NAP1L1: variants seen among roughly 807,000 people sequenced by gnomAD.
NAP1L1 encodes nucleosome assembly protein 1 like 1, also known as nucleosome assembly protein 1-like 1.
A neutral mutation model predicts 58.9 loss-of-function variants in NAP1L1; 9 were observed. That is an observed-to-expected ratio of 0.15 (90% confidence interval 0.09 to 0.27). The LOEUF (loss-of-function observed/expected upper bound fraction) is 0.27, where lower values mean the gene tolerates loss of function less well. Among genes scored for constraint, NAP1L1 ranks in the 10% least tolerant of loss-of-function variants. NAP1L1 has a pLI of 1.00. For missense variants in NAP1L1, 302 were observed against 458.8 expected, an observed-to-expected ratio of 0.66 and a Z score of 3.12; for synonymous variants, 130 against 138.3, an observed-to-expected ratio of 0.94 and a Z score of 0.42.
chr12:76,063,774 G>A (rs556990668), intron 4 of NAP1L1, among the ~76,000 whole-genome samples: 43 of 150,578 alleles, frequency 2.9e-4, no homozygotes, highest in African/African-American at 1.1e-3. Context: ...CAGCCTGGAT[G>A]ACAAAGCGAG....
At chr12:76,082,295 G>A (rs1274956935) in intron 1 of NAP1L1, among the ~76,000 whole-genome samples, 2 of 152,172 alleles carry the variant, frequency 1.3e-5, no homozygotes, top group Non-Finnish European at 2.9e-5. Flanking sequence ...TTTACCAGGA[G>A]CCAACAGGAG....
chr12:76,058,376 G>C (rs554381780), intron 6 of NAP1L1, among the ~76,000 whole-genome samples: 1 of 146,358 alleles, frequency 6.8e-6, no homozygotes, highest in East Asian at 2.0e-4. Flanking sequence ...AAAAATTTTG[G>C]TTATTTGGTA....
At chr12:76,074,423 A>C (rs1053544092) in intron 1 of NAP1L1, 184 bp from the exon 2 acceptor site, 1 of 915,694 alleles carries the variant, frequency 1.1e-6, no homozygotes, top group African/African-American at 1.8e-5. Flanking sequence ...CCTTACTAGT[A>C]CCAAAAATAA....
chr12:76,069,026 A>T (rs776044026), intron 2 of NAP1L1, 32 bp from the exon 3 acceptor site: 27 of 1,467,240 alleles, frequency 1.8e-5, no homozygotes, highest in Non-Finnish European at 2.2e-5. Context: ...CCAAGGTTCA[A>T]ATGTACCAAT....
At position 76,050,322 on chromosome 12, in the gene NAP1L1, A is replaced by T. The variant is rs774463736; in HGVS notation, c.1059+209T>A. Among the ~76,000 whole-genome samples the T allele has an allele frequency of 3.9e-4, 59 of 152,334 alleles. No individual in the cohort carries two copies. In the Middle Eastern group the frequency reaches 0.01, roughly 26 times the overall value. ...TTCATAAACTCAGAACAATCTTATT[A>T]GCAGAAAATTAAAAGCTAAGATAAA... On this transcript the variant is annotated intron_variant, in intron 12 of 14. Transcript: ENST00000618691.
intron 1 of NAP1L1, among the ~76,000 whole-genome samples, chr12:76,079,204 T>C (rs1222896519): frequency 6.6e-6 from 1 of 152,136 alleles, no homozygotes; most frequent in Admixed American, 6.5e-5. Context: ...GCTCTTAAAA[T>C]ACTATCCCCA....
chr12:76,055,286 T>C (rs1042403990), intron 7 of NAP1L1, among the ~76,000 whole-genome samples, 196 bp from the exon 8 acceptor site: 1 of 152,186 alleles, frequency 6.6e-6, no homozygotes, highest in Non-Finnish European at 1.5e-5. Flanking sequence ...CTGCCACTGG[T>C]AGAGAAAAAG....
In NAP1L1 at chr12:76,065,837, T is replaced by C. The variant is rs138850441; in HGVS notation, c.206+1534A>G. Among the ~76,000 whole-genome samples the C allele has an allele frequency of 4.8e-3, 726 of 151,980 alleles. 1 individual carries two copies. Among genetic ancestry groups the C allele is most frequent in the Non-Finnish European group, 6.1e-3 (417 of 67,880 alleles). The stretch of plus-strand genomic sequence containing the variant: ...ACTTAACTGTCAAAAATGTGGATGA[T>C]TGGGGGAGAAGTATGAAAGGATGCA... On this transcript the variant is annotated intron_variant, in intron 4 of 14. Transcript: ENST00000618691.
intron 1 of NAP1L1, among the ~76,000 whole-genome samples, chr12:76,075,848 T>C (rs535033634): frequency 8.7e-4 from 133 of 152,078 alleles, no homozygotes; most frequent in African/African-American, 2.7e-3. Flanking sequence ...AACCTGACAA[T>C]AGGAATATCA....
chr12:76,077,936 T>C (rs1592703583), intron 1 of NAP1L1, among the ~76,000 whole-genome samples: 1 of 117,876 alleles, frequency 8.5e-6, no homozygotes, highest in African/African-American at 3.4e-5. Flanking sequence ...TGAGCCGAGA[T>C]CACACCGCTG....
At chr12:76,049,289 ATAG>A (rs1948714052) in intron 13 of NAP1L1, 39 bp from the exon 14 acceptor site, 2 of 1,612,610 alleles carry the variant, frequency 1.2e-6, no homozygotes, top group Non-Finnish European at 8.5e-7. Flanking sequence ...AAGTATGTAC[ATAG>A]TAGGTAAACT....
rs372988616 is a variant in NAP1L1, at chr12:76,074,138, C to T, written c.17+65G>A. ...CATAATATATAATTCATACTACTTG[C>T]TGTTAAGAACAGAGTACAAAGTGAT... On this transcript the variant is annotated intron_variant, in intron 2 of 14. Coordinates refer to ENST00000618691, the MANE Select transcript of NAP1L1 (RefSeq NM_004537.7). The T allele has an allele frequency of 6.3e-6, 8 of 1,265,884 alleles. No individual in the cohort carries two copies. In the African/African-American group the frequency reaches 1.2e-4, roughly 19 times the overall value. The allele number at this position is 1,265,884 out of a possible 1,614,324, so 78.4% of individuals were successfully genotyped here.
chr12:76,065,506 C>T (rs554295870), intron 4 of NAP1L1, among the ~76,000 whole-genome samples: 107 of 142,954 alleles, frequency 7.5e-4, no homozygotes, highest in African/African-American at 2.7e-3. Flanking sequence ...ATAAATTTAG[C>T]AAAGTTACTG....
In NAP1L1 at chr12:76,047,379, T is replaced by A. The variant is rs886072760; in HGVS notation, c.*1050A>T. ...TAACCCAAAGAAAATGAATTTTTTT[T>A]TTTTTTTTTAAAAGAAAACAGCATC... is the stretch of plus-strand genomic sequence containing the variant. On this transcript the variant is annotated 3_prime_UTR_variant, in exon 15 of 15. Coordinates refer to ENST00000618691, the MANE Select transcript of NAP1L1 (RefSeq NM_004537.7). The A allele has an allele frequency of 1.4e-4, 21 of 151,630 alleles. No homozygotes were observed. The highest frequency in any genetic ancestry group is 3.3e-4 in the Admixed American group (5 of 15,214). 9.4% of individuals were successfully genotyped at this position (151,630 alleles called of 1,614,324 possible). A position where few individuals can be genotyped will look rare whatever the true frequency, so the allele number is the denominator to read the frequency against.
rs914720596 is a variant in NAP1L1, at chr12:76,056,808, T to C, written c.430-647A>G. 9.0e-6 allele frequency: 3 copies of C among 332,160 alleles called. No individual in the cohort carries two copies. In the Admixed American group the frequency reaches 1.2e-4, roughly 13 times the overall value. 20.6% of individuals were successfully genotyped at this position (332,160 alleles called of 1,614,324 possible). ...GGGTGGATCATTTAAGGTCAGGAGT[T>C]GGAGACCAGCCTGGCCAACATGGCG... On this transcript the variant is annotated intron_variant, in intron 6 of 14. Coordinates refer to ENST00000618691, the MANE Select transcript of NAP1L1 (RefSeq NM_004537.7).
rs1039316675 is a variant in NAP1L1, at chr12:76,038,219, G to A, written c.*10210C>T. 8 of 152,120 alleles carry A rather than the reference G, an allele frequency of 5.3e-5. No homozygotes were observed. The highest frequency in any genetic ancestry group is 5.2e-4 in the Admixed American group (8 of 15,270). The allele number at this position is 152,120 out of a possible 1,614,324, so 9.4% of individuals were successfully genotyped here. On this transcript the variant is annotated 3_prime_UTR_variant, in exon 15 of 15. Transcript: ENST00000618691. ...TAACTAAGAGTGGAAGCAATCCTCT[G>A]TCCCCACTGAAGAGCCCAAGAACAC...
intron 4 of NAP1L1, among the ~76,000 whole-genome samples, 182 bp from the exon 5 acceptor site, chr12:76,060,461 C>T (rs562764701): frequency 1.2e-4 from 19 of 152,232 alleles, no homozygotes; most frequent in African/African-American, 4.6e-4. Context: ...GGCTATATTT[C>T]AAAAGTAGAA....
At position 76,059,622 on chromosome 12, in the gene NAP1L1, T is replaced by C. The variant is rs1007481200; in HGVS notation, c.429+176A>G. On this transcript the variant is annotated intron_variant, in intron 6 of 14. Transcript: ENST00000618691. ...TTGCCATGCAAATTACAATCTTGAA[T>C]GACTGTTTTTTAAAAATAAAGTAAT... The C allele has an allele frequency of 1.3e-5, 7 of 546,222 alleles. No homozygotes were observed. In the African/African-American group the frequency reaches 1.4e-4, roughly 11 times the overall value. 33.8% of individuals were successfully genotyped at this position (546,222 alleles called of 1,614,324 possible).
chr12:76,066,594 CA>C (rs1173599517), intron 4 of NAP1L1, among the ~76,000 whole-genome samples: 1 of 152,004 alleles, frequency 6.6e-6, no homozygotes, highest in African/African-American at 2.4e-5. Context: ...ACAAATAAGA[CA>C]AAATGAGTCC....
Sources: gnomAD v4.1 joint callset for allele counts (sites outside exome capture counted in the v4.1 genomes callset) on GRCh38, gnomAD v4.1.1 for gene constraint, MANE v1.5 for transcripts, NCBI Gene and HGNC (gene_info 2026-07-23, HGNC 2026-07-21) for gene names.